AIG1: variants seen among roughly 807,000 people sequenced by gnomAD.
AIG1 encodes the protein androgen induced 1.
In AIG1, 23 loss-of-function variants were observed where a neutral mutation model predicts 31.4. That is an observed-to-expected ratio of 0.73 (90% CI 0.53 to 1.04). The LOEUF is 1.04. Among genes scored for constraint, AIG1 ranks in the 50% least tolerant of loss-of-function variants. AIG1 has a pLI of 0.00. For synonymous variants in AIG1, 100 were observed against 110.5 expected (o/e 0.90, Z 0.60); for missense variants, 274 against 295.0 (o/e 0.93, Z 0.52).
chr6:143,213,506 TTC>T (rs1791751154), intron 3 of AIG1, among the ~76,000 whole-genome samples: 2 of 144,712 alleles, frequency 1.4e-5, no homozygotes, highest in African/African-American at 2.6e-5. Context: ...TTTTTCTTTC[TTC>T]TTTTTTTTTT....
chr6:143,342,584 T>G, downstream of AIG1: 1 of 1,013,872 alleles, frequency 9.9e-7, no homozygotes, highest in Non-Finnish European at 1.6e-6. Flanking sequence ...GGCTGTGCAT[T>G]TGGATCAGCT....
At chr6:143,081,292 A>G (rs1174438681) in intron 1 of AIG1, among the ~76,000 whole-genome samples, 1 of 152,012 alleles carries the variant, frequency 6.6e-6, no homozygotes, top group African/African-American at 2.4e-5. Flanking sequence ...AACGCCTGGG[A>G]TACTCCCTGC....
chr6:143,207,078 A>G (rs1019386062), intron 3 of AIG1, among the ~76,000 whole-genome samples: 1 of 152,182 alleles, frequency 6.6e-6, no homozygotes, highest in African/African-American at 2.4e-5. Context: ...AGAGTGGTAC[A>G]TGGAGCATGT....
rs921835688 is a variant in AIG1, at chr6:143,312,784, GA to G, written c.516-20490del. Reference sequence around the variant, plus strand: ...AGTGAAGAGATAACCCACAGATTGGGAAAAAAAATACTTGAAAACCACCTGT... The same window carrying G: ...AGTGAAGAGATAACCCACAGATTGGGAAAAAAATACTTGAAAACCACCTGT... On this transcript the variant is annotated intron_variant, in intron 4 of 5. Transcript: ENST00000357847. 5.3e-5 allele frequency among the ~76,000 whole-genome samples: 8 copies of G among 150,834 alleles called. No homozygotes were observed. In the East Asian group the frequency reaches 5.8e-4, roughly 11 times the overall value.
intron 1 of AIG1, among the ~76,000 whole-genome samples, chr6:143,063,757 T>A (rs1460314177): frequency 2.0e-5 from 3 of 152,242 alleles, no homozygotes; most frequent in Admixed American, 1.3e-4. Context: ...TCATTTATCC[T>A]GATAGCCACA....
At chr6:143,185,921 G>C (rs561426166) in intron 3 of AIG1, among the ~76,000 whole-genome samples, 145 of 152,264 alleles carry the variant, frequency 9.5e-4, no homozygotes, top group African/African-American at 3.3e-3. Context: ...ACATCCTTCA[G>C]TGAGCCATTC....
In AIG1 at chr6:143,165,175, C is replaced by T; in HGVS notation, c.391C>T (p.His131Tyr). 1 of 1,611,088 alleles carries T rather than the reference C, an allele frequency of 6.2e-7. No homozygotes were observed. The highest frequency in any genetic ancestry group is 8.5e-7 in the Non-Finnish European group (1 of 1,177,468). The change falls in exon 3 of 6, where the codon CAC becomes TAC. Residue 131 changes from histidine to tyrosine, a missense_variant. This residue lies in a region of AIG1 where 243 missense variants were observed against 238.5 expected (regional missense o/e 1.02). Transcript: ENST00000357847. ...TAATTTTATCCCAGGGTGGCTGAAT[C>T]ACGGAATGGTGAGTGGATTAAAACA... ...LDNFIPGWLN[H>Y]GMHTTVLPFI...
At position 143,334,185 on chromosome 6, in the gene AIG1, G is replaced by C; in HGVS notation, c.679+740G>C. ...GAAAGGTGGAAAAAGCGCCAGCACAGACATGTAGTGATTGAGTCCTGCATG... is the reference window on the plus strand; with the variant it reads ...GAAAGGTGGAAAAAGCGCCAGCACACACATGTAGTGATTGAGTCCTGCATG... On this transcript the variant is annotated intron_variant, in intron 5 of 5. Coordinates refer to ENST00000357847, the MANE Select transcript of AIG1 (RefSeq NM_016108.4). This position sits in a 1 kb window ranked among gnomAD's most constrained non-coding sequence, Gnocchi z 5.1. 7.7e-7 allele frequency: 1 copy of C among 1,301,260 alleles called. No homozygotes were observed. The highest frequency in any genetic ancestry group is 1.1e-6 in the Non-Finnish European group (1 of 945,236). The allele number at this position is 1,301,260 out of a possible 1,614,324, so 80.6% of individuals were successfully genotyped here.
chr6:143,259,533 A>G (rs1795600894), intron 3 of AIG1, among the ~76,000 whole-genome samples: 1 of 152,076 alleles, frequency 6.6e-6, no homozygotes, highest in Non-Finnish European at 1.5e-5. Context: ...GTCTTAATAT[A>G]TATGTATGCC....
intron 1 of AIG1, among the ~76,000 whole-genome samples, chr6:143,085,167 G>T (rs1169546708): frequency 6.6e-6 from 1 of 152,116 alleles, no homozygotes; most frequent in African/African-American, 2.4e-5. Flanking sequence ...AGGGAAAAAG[G>T]TACATGCACT....
Position 143,307,488 on chromosome 6 carries a change from A to C in AIG1, c.515+23263A>C, listed in dbSNP as rs572344554. Among the ~76,000 whole-genome samples, 6 of 152,154 alleles carry C rather than the reference A, an allele frequency of 3.9e-5. No individual in the cohort carries two copies. The East Asian group carries it at 5.8e-4, about 15-fold the overall frequency. On this transcript the variant is annotated intron_variant, in intron 4 of 5. Transcript: ENST00000357847. ...ACTCCAGACCCTGTTTGCCTGGGTA[A>C]CAGCAGCGGTGGCTGCAGAACAGTG...
intron 4 of AIG1, among the ~76,000 whole-genome samples, chr6:143,320,499 C>T (rs1776120225): frequency 6.6e-6 from 1 of 152,134 alleles, no homozygotes; most frequent in South Asian, 2.1e-4. Flanking sequence ...GGTGTATAGA[C>T]ATAGAATGGA....
rs9321893 is a variant in AIG1 at position 143,144,903 on chromosome 6, A to G, written c.297+7913A>G. The stretch of plus-strand genomic sequence containing the variant: ...CAGCATTAGGAGCAGTGTCTAAATA[A>G]TTCAATATTAGTTGAGTGTAATCCA... On this transcript the variant is annotated intron_variant, in intron 2 of 5. Transcript: ENST00000357847. Among the ~76,000 whole-genome samples, 451 of 152,348 alleles carry G rather than the reference A, an allele frequency of 3.0e-3. 14 individuals carry two copies. In the East Asian group the frequency reaches 0.054, roughly 18 times the overall value.
At chr6:143,316,211 A>G (rs4896640) in intron 4 of AIG1, among the ~76,000 whole-genome samples, 51,165 of 151,880 alleles carry the variant, frequency 0.34, 10,898 homozygotes, top group African/African-American at 0.61. Context: ...GGTGCAAAAT[A>G]TCTGAGAAAA....
At chr6:143,165,359 T>C (rs1786823035) in intron 3 of AIG1, among the ~76,000 whole-genome samples, 176 bp downstream of exon 3, 1 of 152,230 alleles carries the variant, frequency 6.6e-6, no homozygotes, top group Non-Finnish European at 1.5e-5. Flanking sequence ...AAATAGAAAC[T>C]TCTTCCCATG....
chr6:143,290,441 G>A (rs12189733), intron 4 of AIG1, among the ~76,000 whole-genome samples: 12,383 of 152,220 alleles, frequency 0.081, 807 homozygotes, highest in East Asian at 0.34. Context: ...GGCAGGGGCC[G>A]CATGCGCAGT....
chr6:143,189,199 A>G (rs1474799012), intron 3 of AIG1: 1 of 401,886 alleles, frequency 2.5e-6, no homozygotes, highest in Non-Finnish European at 3.4e-6. Flanking sequence ...GTGGACCACC[A>G]CCCCTGGCTA....
At chr6:143,106,383 T>C (rs1167948499) in intron 1 of AIG1, among the ~76,000 whole-genome samples, 1 of 152,186 alleles carries the variant, frequency 6.6e-6, no homozygotes, top group African/African-American at 2.4e-5. Flanking sequence ...ATTTCTGTTG[T>C]TTAAATCATC....
chr6:143,121,096 A>G (rs1782201258), intron 1 of AIG1, among the ~76,000 whole-genome samples: 1 of 152,244 alleles, frequency 6.6e-6, no homozygotes, highest in Admixed American at 6.5e-5. Flanking sequence ...TGATTAAAAC[A>G]ATGCTTATCA....
Sources: gnomAD v4.1 joint callset for allele counts (sites outside exome capture counted in the v4.1 genomes callset) on GRCh38, gnomAD v4.1.1 for gene constraint, gnomAD v4.1.1 regional missense constraint, Gnocchi (gnomAD v3.1) non-coding constraint, MANE v1.5 for transcripts, NCBI Gene and HGNC (gene_info 2026-07-23, HGNC 2026-07-21) for gene names.